Variants in PLCD4 observed in about 807,000 individuals in gnomAD.
PLCD4 encodes phospholipase C delta 4.
Under a neutral mutation model 90.2 loss-of-function variants are expected in PLCD4, and 63 were observed. The ratio of observed to expected loss-of-function variants is 0.70; its 90% CI spans 0.57 to 0.86. The LOEUF is 0.86. Ranked by LOEUF, PLCD4 falls within the 40% of genes least tolerant of loss-of-function variation. The pLI is 0.00. For synonymous variants in PLCD4, 294 were observed against 356.5 expected, an observed-to-expected ratio of 0.82 and a Z score of 1.97; for missense variants, 830 against 956.3, an observed-to-expected ratio of 0.87 and a Z score of 1.74.
At chr2:218,625,750 A>G (rs1228891118) in intron 6 of PLCD4, among the ~76,000 whole-genome samples, 1 of 152,174 alleles carries the variant, frequency 6.6e-6, no homozygotes, top group Non-Finnish European at 1.5e-5. Context: ...CCTGGCCAAC[A>G]TGGTGAAACC....
chr2:218,620,072 A>T (rs545858573), intron 4 of PLCD4, among the ~76,000 whole-genome samples: 3 of 151,990 alleles, frequency 2.0e-5, no homozygotes, highest in African/African-American at 7.2e-5. Flanking sequence ...TAGAGATGGG[A>T]TTTTGCCACA....
intron 1 of PLCD4, among the ~76,000 whole-genome samples, chr2:218,613,514 C>T (rs1483332825): frequency 6.6e-6 from 1 of 151,368 alleles, no homozygotes; most frequent in Non-Finnish European, 1.5e-5. Flanking sequence ...AAGCATAGAG[C>T]TTTATGTTTT....
intron 1 of PLCD4, chr2:218,609,816 A>C (rs530452621): frequency 6.6e-6 from 1 of 152,422 alleles, no homozygotes; most frequent in African/African-American, 2.4e-5. Context: ...TCTGGACCAC[A>C]GTCTCAAAAT....
intron 11 of PLCD4, 62 bp downstream of exon 11, chr2:218,633,823 C>T: frequency 6.3e-7 from 1 of 1,576,038 alleles, no homozygotes. Flanking sequence ...GCCTGATGGA[C>T]TGGCAGGTAA....
chr2:218,608,741 TG>T (rs1478887252), intron 1 of PLCD4, among the ~76,000 whole-genome samples: 1 of 152,164 alleles, frequency 6.6e-6, no homozygotes, highest in Non-Finnish European at 1.5e-5. Flanking sequence ...AGCCCCACCC[TG>T]GGTAACTCTG....
chr2:218,628,280 A>G (rs537721897), intron 7 of PLCD4, 50 bp downstream of exon 7: 1 of 1,559,466 alleles, frequency 6.4e-7, no homozygotes, highest in Admixed American at 1.7e-5. Flanking sequence ...GACCATGTAG[A>G]AAAGTGAGGG....
At position 218,629,131 on chromosome 2, in the gene PLCD4, G is replaced by A. The variant is rs145212193; in HGVS notation, c.975-388G>A. ...CTCGGGAGGCTGAGGTGGGAGGATCGCTTAAGCCTGAGAGGTCAAGGCTGC... is the reference window on the plus strand; with the variant it reads ...CTCGGGAGGCTGAGGTGGGAGGATCACTTAAGCCTGAGAGGTCAAGGCTGC... On this transcript the variant is annotated intron_variant, in intron 7 of 15. Transcript: ENST00000450993. 931 of 162,098 alleles carry A rather than the reference G, an allele frequency of 5.7e-3. 9 individuals carry two copies. Among genetic ancestry groups the A allele is most frequent in the African/African-American group, 0.021 (862 of 42,048 alleles). The allele number at this position is 162,098 out of a possible 1,614,324, so 10.0% of individuals were successfully genotyped here.
chr2:218,618,674 A>G lies in PLCD4; in HGVS notation c.277A>G (p.Ile93Val), dbSNP rs769577480. ...EELPLEQGFT[I>V]VFHGRRSNLD... ...GCTCCCCCTGGAGCAGGGCTTCACC[A>G]TTGTCTTCCATGGCCGCCGCTCCAA... is the stretch of plus-strand genomic sequence containing the variant. The change falls in exon 4 of 16, where the codon ATT becomes GTT. Residue 93 changes from isoleucine to valine, a missense_variant. Ile to Val is a conservative substitution (Grantham distance 29). Transcript: ENST00000450993. The G allele has an allele frequency of 1.9e-6, 3 of 1,613,868 alleles. No individual in the cohort carries two copies. In the South Asian group the frequency reaches 3.3e-5, roughly 18 times the overall value.
chr2:218,637,056 G>T lies in PLCD4; in HGVS notation c.*479G>T, dbSNP rs1481444428. 2.6e-6 allele frequency: 1 copy of T among 392,040 alleles called. No individual in the cohort carries two copies. The highest frequency in any genetic ancestry group is 2.1e-5 in the African/African-American group (1 of 47,756). 24.3% of individuals were successfully genotyped at this position (392,040 alleles called of 1,614,324 possible). On this transcript the variant is annotated 3_prime_UTR_variant, in exon 16 of 16. Coordinates refer to ENST00000450993, the MANE Select transcript of PLCD4 (RefSeq NM_032726.4). ...CAAGGCTTCCCCAGCAAAGATTAGG[G>T]AAAGAGACTTGACCCCAGGACTGTA...
intron 1 of PLCD4, among the ~76,000 whole-genome samples, 194 bp downstream of exon 1, chr2:218,608,264 C>T (rs371482832): frequency 6.6e-6 from 1 of 152,190 alleles, no homozygotes; most frequent in Non-Finnish European, 1.5e-5. Flanking sequence ...CAGCTTTCCT[C>T]CTGGCTGTGT....
In PLCD4 at chr2:218,632,433, A is replaced by G. The variant is rs576252652; in HGVS notation, c.1449+121A>G. Reference sequence around the variant, plus strand: ...CAAGGAGCAATGACCCTTCCTCCCAATGAAGGAGATTTAAGACCGCATACA... The same window carrying G: ...CAAGGAGCAATGACCCTTCCTCCCAGTGAAGGAGATTTAAGACCGCATACA... On this transcript the variant is annotated intron_variant, in intron 10 of 15. Transcript: ENST00000450993. 973 of 997,174 alleles carry G rather than the reference A, an allele frequency of 9.8e-4. 2 individuals carry two copies. In the Middle Eastern group the frequency reaches 0.011, roughly 12 times the overall value. The allele number at this position is 997,174 out of a possible 1,614,324, so 61.8% of individuals were successfully genotyped here.
intron 3 of PLCD4, among the ~76,000 whole-genome samples, chr2:218,616,927 T>TATATATATATATATATAG (rs1553571947): frequency 7.3e-5 from 1 of 13,764 alleles, no homozygotes; most frequent in Non-Finnish European, 1.3e-4. Flanking sequence ...TATATATATA[T>TATATATATATATATATAG]AGAGAGAGAG....
At chr2:218,612,840 C>G (rs566617132) in intron 1 of PLCD4, among the ~76,000 whole-genome samples, 9 of 152,144 alleles carry the variant, frequency 5.9e-5, no homozygotes, top group South Asian at 2.1e-4. Context: ...GTGACCCCCC[C>G]ACATTCTCCC....
chr2:218,608,478 TAGAG>T (rs112007594), intron 1 of PLCD4, among the ~76,000 whole-genome samples: 5 of 152,292 alleles, frequency 3.3e-5, no homozygotes, highest in African/African-American at 7.2e-5. Context: ...TCCCTGGTAA[TAGAG>T]AGAGTTATGA....
chr2:218,627,996 T>C, intron 6 of PLCD4, 33 bp from the exon 7 acceptor site: 1 of 1,577,314 alleles, frequency 6.3e-7, no homozygotes. Flanking sequence ...CATTCAGAGC[T>C]TCTCACCTAG....
Position 218,634,246 on chromosome 2 carries a change from A to G in PLCD4, c.1723+25A>G. On this transcript the variant is annotated intron_variant, in intron 12 of 15. Coordinates refer to ENST00000450993, the MANE Select transcript of PLCD4 (RefSeq NM_032726.4). This position sits in a 1 kb window ranked among gnomAD's most constrained non-coding sequence, Gnocchi z 4.0. ...GGTGAGGAGGCAGCAGGGACTGGGA[A>G]GAGGGAGTGGAGGAGCAGCAGGTGG... The G allele has an allele frequency of 6.3e-7, 1 of 1,598,108 alleles. No homozygotes were observed. The highest frequency in any genetic ancestry group is 2.3e-5 in the East Asian group (1 of 44,298).
In PLCD4 at chr2:218,633,723, T is replaced by C. The variant is rs745982556; in HGVS notation, c.1568T>C (p.Phe523Ser). 6.2e-7 allele frequency: 1 copy of C among 1,613,918 alleles called. No homozygotes were observed. Among genetic ancestry groups the C allele is most frequent in the Admixed American group, 1.7e-5 (1 of 60,008 alleles). ...EHYHFYEISS[F>S]SETKAKRLIK... ...TACCACTTCTACGAGATATCATCTT[T>C]CTCTGAAACCAAGGCCAAGCGCCTC... Residue 523 changes from phenylalanine (F) to serine (S), a missense_variant, in exon 11 of 16, where the codon TTC becomes TCC. Coordinates refer to ENST00000450993, the MANE Select transcript of PLCD4 (RefSeq NM_032726.4).
At chr2:218,622,618 A>G in intron 5 of PLCD4, 29 bp from the exon 6 acceptor site, 1 of 1,499,398 alleles carries the variant, frequency 6.7e-7, no homozygotes, top group Non-Finnish European at 9.0e-7. Context: ...TAAAAGTTTC[A>G]TTCACTCTCC....
At chr2:218,636,024 C>A in intron 14 of PLCD4, 93 bp downstream of exon 14, 1 of 1,555,194 alleles carries the variant, frequency 6.4e-7, no homozygotes, top group Non-Finnish European at 8.8e-7. Context: ...TCTGTTATTG[C>A]ATGTCCCCAC....
Sources: gnomAD v4.1 joint callset for allele counts (sites outside exome capture counted in the v4.1 genomes callset) on GRCh38, gnomAD v4.1.1 for gene constraint, Gnocchi (gnomAD v3.1) non-coding constraint, MANE v1.5 for transcripts, NCBI Gene and HGNC (gene_info 2026-07-23, HGNC 2026-07-21) for gene names.